The following PRKACB variants were observed in gnomAD, a reference collection of about 807,000 sequenced individuals.
PRKACB encodes protein kinase cAMP-activated catalytic subunit beta, also known as cAMP-dependent protein kinase catalytic subunit beta.
Under a neutral mutation model 51.4 loss-of-function variants are expected in PRKACB, and 16 were observed. The observed-to-expected ratio is 0.31, with a 90% confidence interval of 0.21 to 0.47. The LOEUF is 0.47. PRKACB is among the 20% of genes least tolerant of loss of function. The probability of loss-of-function intolerance (pLI) is 1.00; values close to 1 mark genes in which losing one functional copy is unlikely to be tolerated. For synonymous variants in PRKACB, 147 were observed against 154.4 expected, an observed-to-expected ratio of 0.95 and a Z score of 0.35; for missense variants, 309 against 464.5, an observed-to-expected ratio of 0.67 and a Z score of 3.08.
Position 84,199,089 on chromosome 1 carries a change from GTATATATGCATATATGTATATATATGCA to G in PRKACB, c.783+1273_783+1300del, listed in dbSNP as rs1285446124. On this transcript the variant is annotated intron_variant, in intron 7 of 9. Coordinates refer to ENST00000370685, the MANE Select transcript of PRKACB (RefSeq NM_182948.4). Reference sequence around the variant, plus strand: ...TATATGCATATATGTATATATATGCGTATATATGCATATATGTATATATATGCATATATATATATATATACACACACAT... The same window carrying G: ...TATATGCATATATGTATATATATGCGTATATATATATATATACACACACAT... Among the ~76,000 whole-genome samples the G allele has an allele frequency of 4.6e-4, 35 of 76,474 alleles. 1 individual carries two copies. The highest frequency in any genetic ancestry group is 6.6e-4 in the African/African-American group (16 of 24,286). 50.2% of individuals were successfully genotyped at this position (76,474 alleles called of 152,430 possible).
At chr1:84,092,752 T>C (rs1247381061) in intron 1 of PRKACB, among the ~76,000 whole-genome samples, 1 of 152,136 alleles carries the variant, frequency 6.6e-6, no homozygotes, top group Non-Finnish European at 1.5e-5. Flanking sequence ...AAACTTGATG[T>C]TTTTCATATT....
intron 1 of PRKACB, among the ~76,000 whole-genome samples, chr1:84,122,070 C>G (rs1458105126): frequency 6.6e-6 from 1 of 152,048 alleles, no homozygotes; most frequent in Non-Finnish European, 1.5e-5. Context: ...TGAGTGGTTT[C>G]CTTGAAGCCC....
At chr1:84,155,811 A>C (rs908439977) in intron 1 of PRKACB, among the ~76,000 whole-genome samples, 1 of 152,156 alleles carries the variant, frequency 6.6e-6, no homozygotes, top group Non-Finnish European at 1.5e-5. Flanking sequence ...ATAAGTTGTC[A>C]TCTTTTAAAT....
intron 1 of PRKACB, among the ~76,000 whole-genome samples, chr1:84,126,546 A>C (rs1651632174): frequency 6.6e-6 from 1 of 152,150 alleles, no homozygotes. Context: ...TTATGGGTAC[A>C]GGATGGGGAG....
intron 7 of PRKACB, among the ~76,000 whole-genome samples, chr1:84,201,756 T>A (rs1670176013): frequency 6.6e-6 from 1 of 152,070 alleles, no homozygotes; most frequent in African/African-American, 2.4e-5. Flanking sequence ...TGGGTAGAAT[T>A]CAGCTTATTT....
intron 1 of PRKACB, among the ~76,000 whole-genome samples, chr1:84,124,352 T>G (rs1419530640): frequency 6.6e-6 from 1 of 152,196 alleles, no homozygotes; most frequent in African/African-American, 2.4e-5. Context: ...TATGCATGAT[T>G]TTTGACTACT....
chr1:84,227,015 A>AT (rs146497675), intron 9 of PRKACB, among the ~76,000 whole-genome samples: 3,875 of 152,256 alleles, frequency 0.025, 176 homozygotes, highest in African/African-American at 0.088. Flanking sequence ...AATGAATACC[A>AT]TTAATCATGG....
intron 9 of PRKACB, among the ~76,000 whole-genome samples, chr1:84,234,308 T>C (rs1204433069): frequency 6.6e-6 from 1 of 152,206 alleles, no homozygotes; most frequent in Non-Finnish European, 1.5e-5. Context: ...GAACCACTGC[T>C]CTCTTCAAAG....
chr1:84,151,750 A>G (rs1189923556), intron 1 of PRKACB, among the ~76,000 whole-genome samples: 2 of 152,232 alleles, frequency 1.3e-5, no homozygotes, highest in Non-Finnish European at 2.9e-5. Flanking sequence ...TTGCAGCAAT[A>G]GAGTCACATC....
chr1:84,171,994 A>G (rs1262470608), intron 1 of PRKACB, among the ~76,000 whole-genome samples: 1 of 151,746 alleles, frequency 6.6e-6, no homozygotes, highest in African/African-American at 2.4e-5. Flanking sequence ...GGGAAAAAGT[A>G]TAAAATTCTA....
intron 1 of PRKACB, among the ~76,000 whole-genome samples, chr1:84,113,622 TAA>T (rs1483548425): frequency 6.6e-6 from 1 of 151,960 alleles, no homozygotes; most frequent in Non-Finnish European, 1.5e-5. Context: ...AATTGGTGAG[TAA>T]AGAGAATATT....
At chr1:84,115,142 C>T (rs1234022393) in intron 1 of PRKACB, among the ~76,000 whole-genome samples, 1 of 151,408 alleles carries the variant, frequency 6.6e-6, no homozygotes, top group Non-Finnish European at 1.5e-5. Context: ...TACTAATTTA[C>T]ATTCTTACAA....
At chr1:84,157,315 T>C (rs965853974) in intron 1 of PRKACB, 1 of 152,196 alleles carries the variant, frequency 6.6e-6, no homozygotes, top group South Asian at 2.1e-4. Context: ...AATTGTCCAC[T>C]GAAATGATTC....
chr1:84,139,121 C>G (rs926908748), intron 1 of PRKACB, among the ~76,000 whole-genome samples: 1 of 152,128 alleles, frequency 6.6e-6, no homozygotes, highest in Non-Finnish European at 1.5e-5. Flanking sequence ...CTTCCTAAGA[C>G]TTGGAATAAG....
intron 2 of PRKACB, 77 bp downstream of exon 2, chr1:84,179,315 T>G (rs1662419322): frequency 7.0e-7 from 1 of 1,423,372 alleles, no homozygotes; most frequent in Non-Finnish European, 9.3e-7. Context: ...AGAAATTTAT[T>G]ACTTTAGAAA....
intron 5 of PRKACB, 137 bp downstream of exon 5, chr1:84,185,319 G>C (rs376764207): frequency 1.8e-6 from 1 of 549,496 alleles, no homozygotes; most frequent in Non-Finnish European, 3.2e-6. Flanking sequence ...TGGAAACAAA[G>C]AGGCCACATC....
intron 1 of PRKACB, chr1:84,164,945 A>T (rs1336442239): frequency 3.9e-6 from 6 of 1,535,958 alleles, no homozygotes; most frequent in Non-Finnish European, 5.3e-6. Context: ...AGATTAGCAT[A>T]ACTCCCTTTG....
chr1:84,127,007 C>G (rs557983936), intron 1 of PRKACB, among the ~76,000 whole-genome samples: 15 of 152,296 alleles, frequency 9.8e-5, no homozygotes, highest in African/African-American at 3.4e-4. Context: ...TGAATCCATT[C>G]TCTTCCTAGT....
At chr1:84,087,670 C>T (rs961813653) in intron 1 of PRKACB, among the ~76,000 whole-genome samples, 2 of 152,048 alleles carry the variant, frequency 1.3e-5, no homozygotes, top group African/African-American at 2.4e-5. Flanking sequence ...TGTGTACCAT[C>T]GAGGCTTGTT....
Sources: gnomAD v4.1 joint callset for allele counts (sites outside exome capture counted in the v4.1 genomes callset) on GRCh38, gnomAD v4.1.1 for gene constraint, MANE v1.5 for transcripts, NCBI Gene and HGNC (gene_info 2026-07-23, HGNC 2026-07-21) for gene names.